PHKB: variants seen among roughly 807,000 people sequenced by gnomAD.
The protein encoded by PHKB is phosphorylase b kinase regulatory subunit beta.
Under a neutral mutation model 152.1 loss-of-function variants are expected in PHKB, and 122 were observed. That is an observed-to-expected ratio of 0.80 (90% CI 0.69 to 0.93). The LOEUF is 0.93. Among genes scored for constraint, PHKB ranks in the 40% least tolerant of loss-of-function variants. PHKB has a pLI of 0.00. For missense variants in PHKB, 1,304 were observed against 1,328.4 expected (o/e 0.98, Z 0.29); for synonymous variants, 436 against 464.9 (o/e 0.94, Z 0.80).
At chr16:47,613,396 T>C (rs1026406061) in intron 14 of PHKB, among the ~76,000 whole-genome samples, 6 of 152,120 alleles carry the variant, frequency 3.9e-5, no homozygotes, top group African/African-American at 9.7e-5. Context: ...TCAAGCTTCA[T>C]TGTGTATAGT....
chr16:47,544,504 C>G (rs1480574151), intron 6 of PHKB, among the ~76,000 whole-genome samples: 3 of 152,146 alleles, frequency 2.0e-5, no homozygotes, highest in Non-Finnish European at 2.9e-5. Flanking sequence ...TGCTTTACTT[C>G]CACGTATGTG....
At chr16:47,467,422 T>C (rs141143765) in intron 1 of PHKB, among the ~76,000 whole-genome samples, 10 of 152,312 alleles carry the variant, frequency 6.6e-5, no homozygotes, top group African/African-American at 2.4e-4. Context: ...TCTAAAGAAA[T>C]TGTTTCTGAT....
Position 47,596,561 on chromosome 16 carries a change from T to C in PHKB, c.1363+30T>C, listed in dbSNP as rs184148552. ...GTGGAGAAGATTGGGAATGGTATTT[T>C]TTTCCTTGTTATTAAGCTATTAGAA... is the stretch of plus-strand genomic sequence containing the variant. On this transcript the variant is annotated intron_variant, in intron 13 of 30. Coordinates refer to ENST00000323584, the MANE Select transcript of PHKB (RefSeq NM_000293.3). 4.6e-5 allele frequency: 74 copies of C among 1,601,356 alleles called. No homozygotes were observed. In the East Asian group the frequency reaches 1.6e-3, roughly 35 times the overall value.
At chr16:47,552,622 A>G (rs1971291936) in intron 7 of PHKB, among the ~76,000 whole-genome samples, 1 of 152,124 alleles carries the variant, frequency 6.6e-6, no homozygotes, top group African/African-American at 2.4e-5. Flanking sequence ...CAGCCTGGCC[A>G]AGATGGTGAT....
At chr16:47,677,343 T>G (rs967370112) in intron 26 of PHKB, among the ~76,000 whole-genome samples, 2 of 152,210 alleles carry the variant, frequency 1.3e-5, no homozygotes, top group African/African-American at 2.4e-5. Context: ...AAAAGTCCCT[T>G]CTTGCAGCTT....
At chr16:47,678,690 G>A (rs1392830136) in intron 26 of PHKB, among the ~76,000 whole-genome samples, 3 of 151,782 alleles carry the variant, frequency 2.0e-5, no homozygotes, top group African/African-American at 7.2e-5. Context: ...AGATGAGTAG[G>A]TTGCAAAAAT....
chr16:47,585,445 A>G (rs908731694), intron 8 of PHKB, among the ~76,000 whole-genome samples: 2 of 152,202 alleles, frequency 1.3e-5, no homozygotes, highest in African/African-American at 4.8e-5. Context: ...CAGGCCTTAA[A>G]TTAATGTGTC....
At chr16:47,497,248 C>A (rs898100213) in intron 1 of PHKB, 151 bp from the exon 2 acceptor site, 8 of 623,882 alleles carry the variant, frequency 1.3e-5, no homozygotes, top group Admixed American at 5.3e-5. Flanking sequence ...CTTGTTCCCC[C>A]AGCAAGAAGG....
chr16:47,515,498 T>C (rs1187515014), intron 5 of PHKB, 23 bp from the exon 6 acceptor site: 1 of 1,112,268 alleles, frequency 9.0e-7, no homozygotes, highest in Non-Finnish European at 1.4e-6. Context: ...CCTTTAACCT[T>C]TTAATGTTTC....
intron 27 of PHKB, among the ~76,000 whole-genome samples, chr16:47,691,606 G>A (rs965523610): frequency 1.5e-4 from 22 of 151,686 alleles, no homozygotes; most frequent in African/African-American, 5.1e-4. Context: ...TCAGGAGGCC[G>A]ACATGGGAGG....
chr16:47,572,230 C>T (rs923062676), intron 7 of PHKB, among the ~76,000 whole-genome samples: 4 of 152,126 alleles, frequency 2.6e-5, no homozygotes, highest in Admixed American at 6.5e-5. Flanking sequence ...ATGAGGGCAG[C>T]GAAGCTCTCC....
chr16:47,628,785 G>A (rs1487024858), intron 14 of PHKB, among the ~76,000 whole-genome samples: 1 of 152,114 alleles, frequency 6.6e-6, no homozygotes, highest in Non-Finnish European at 1.5e-5. Flanking sequence ...CTGCAAGGCT[G>A]CAGTAACCAA....
chr16:47,551,369 C>T (rs1446395354), intron 7 of PHKB, among the ~76,000 whole-genome samples: 2 of 152,170 alleles, frequency 1.3e-5, no homozygotes, highest in Non-Finnish European at 1.5e-5. Context: ...AAATTTTCCT[C>T]TAAACACGGC....
chr16:47,632,770 T>C (rs540537262), intron 14 of PHKB, among the ~76,000 whole-genome samples: 2 of 152,338 alleles, frequency 1.3e-5, no homozygotes, highest in East Asian at 3.9e-4. Context: ...GTTTTCTCTG[T>C]GTGCCCTTTG....
chr16:47,692,710 G>T (rs546555074), intron 27 of PHKB, among the ~76,000 whole-genome samples: 1 of 151,938 alleles, frequency 6.6e-6, no homozygotes, highest in Non-Finnish European at 1.5e-5. Context: ...ATGATGTATT[G>T]TATCTTTAAA....
rs146565139 is a variant in PHKB, at chr16:47,688,807, A to G, written c.2631-234A>G. 1.8e-4 allele frequency among the ~76,000 whole-genome samples: 27 copies of G among 151,472 alleles called. No individual in the cohort carries two copies. In the East Asian group the frequency reaches 4.3e-3, roughly 24 times the overall value. ...TTGCTAAGAACCTAAGTACTTACCTATTTTAATGTTGTACAACCTCACCAC... is the reference window on the plus strand; with the variant it reads ...TTGCTAAGAACCTAAGTACTTACCTGTTTTAATGTTGTACAACCTCACCAC... On this transcript the variant is annotated intron_variant, in intron 26 of 30. Coordinates refer to ENST00000323584, the MANE Select transcript of PHKB (RefSeq NM_000293.3).
At chr16:47,682,372 C>T (rs559932167) in intron 26 of PHKB, among the ~76,000 whole-genome samples, 8 of 152,252 alleles carry the variant, frequency 5.3e-5, no homozygotes, top group African/African-American at 1.9e-4. Context: ...CAACTTGGTT[C>T]CATTCTCCCC....
At chr16:47,656,297 G>GT (rs1393047795) in intron 20 of PHKB, among the ~76,000 whole-genome samples, 1 of 152,168 alleles carries the variant, frequency 6.6e-6, no homozygotes, top group Non-Finnish European at 1.5e-5. Context: ...GATTACAGGC[G>GT]TGAGCCACCG....
At chr16:47,678,296 G>A (rs1294581127) in intron 26 of PHKB, among the ~76,000 whole-genome samples, 2 of 152,180 alleles carry the variant, frequency 1.3e-5, no homozygotes, top group Admixed American at 6.5e-5. Context: ...GTAATGGGAC[G>A]GCTGGGTCAA....
Sources: gnomAD v4.1 joint callset for allele counts (sites outside exome capture counted in the v4.1 genomes callset) on GRCh38, gnomAD v4.1.1 for gene constraint, MANE v1.5 for transcripts, NCBI Gene and HGNC (gene_info 2026-07-23, HGNC 2026-07-21) for gene names.